Variants in ANKRD28 observed in about 807,000 individuals in gnomAD.
The protein encoded by ANKRD28 is serine/threonine-protein phosphatase 6 regulatory ankyrin repeat subunit A.
Under a neutral mutation model 126.5 loss-of-function variants are expected in ANKRD28, and 44 were observed. That is an observed-to-expected ratio of 0.35 (90% confidence interval 0.27 to 0.45). The LOEUF (loss-of-function observed/expected upper bound fraction) is 0.45. Among genes scored for constraint, ANKRD28 ranks in the 20% least tolerant of loss-of-function variants. The probability of loss-of-function intolerance (pLI) is 1.00; values close to 1 mark genes in which losing one functional copy is unlikely to be tolerated. For synonymous variants in ANKRD28, 442 were observed against 468.5 expected, an observed-to-expected ratio of 0.94 and a Z score of 0.73; for missense variants, 1,110 against 1,316.6, an observed-to-expected ratio of 0.84 and a Z score of 2.43.
In ANKRD28 at chr3:15,713,658, A is replaced by G. The variant is rs775347655; in HGVS notation, c.1076-17T>C. 1.3e-6 allele frequency: 2 copies of G among 1,508,872 alleles called. No individual in the cohort carries two copies. The highest frequency in any genetic ancestry group is 2.4e-5 in the South Asian group (2 of 83,626). 93.5% of individuals were successfully genotyped at this position (1,508,872 alleles called of 1,614,324 possible). Reference sequence around the variant, plus strand: ...TTACAGCTCCTGCAATATAGGACTTACTGTCAGACACTGGACCATATAAAG... The same window carrying G: ...TTACAGCTCCTGCAATATAGGACTTGCTGTCAGACACTGGACCATATAAAG... On this transcript the variant is annotated splice_polypyrimidine_tract_variant and intron_variant, in intron 9 of 27. Coordinates refer to ENST00000683139, the MANE Select transcript of ANKRD28 (RefSeq NM_001349278.2).
intron 3 of ANKRD28, among the ~76,000 whole-genome samples, chr3:15,752,738 G>A (rs1426382939): frequency 1.3e-5 from 2 of 152,098 alleles, no homozygotes; most frequent in African/African-American, 2.4e-5. Context: ...ATAACCTAAC[G>A]TTGGGGTCAA....
chr3:15,674,113 A>T (rs1366159433), intron 27 of ANKRD28, among the ~76,000 whole-genome samples: 1 of 139,740 alleles, frequency 7.2e-6, no homozygotes, highest in Non-Finnish European at 1.5e-5. Context: ...TCAAGGTTAC[A>T]ATCAGCTATG....
chr3:15,836,889 A>G (rs1302601343), intron 1 of ANKRD28, among the ~76,000 whole-genome samples: 1 of 141,580 alleles, frequency 7.1e-6, no homozygotes, highest in African/African-American at 2.5e-5. Context: ...TCACAAGGCC[A>G]GGAGATCGAC....
intron 8 of ANKRD28, among the ~76,000 whole-genome samples, chr3:15,715,536 A>G (rs938520750): frequency 4.6e-5 from 7 of 152,202 alleles, no homozygotes; most frequent in African/African-American, 1.4e-4. Context: ...TTGACAAGTA[A>G]TTTTACAGAA....
chr3:15,699,827 T>C (rs963413992), intron 14 of ANKRD28, among the ~76,000 whole-genome samples: 9 of 152,186 alleles, frequency 5.9e-5, no homozygotes, highest in Admixed American at 2.0e-4. Context: ...GACAGTGTGG[T>C]GATTCCTCAA....
chr3:15,796,039 T>G (rs1312514833), intron 1 of ANKRD28, among the ~76,000 whole-genome samples: 1 of 152,182 alleles, frequency 6.6e-6, no homozygotes, highest in Non-Finnish European at 1.5e-5. Flanking sequence ...CATGCCTTAG[T>G]GTTGCTGGGG....
intron 7 of ANKRD28, among the ~76,000 whole-genome samples, chr3:15,721,744 T>C (rs919838033): frequency 6.6e-6 from 1 of 151,844 alleles, no homozygotes; most frequent in African/African-American, 2.4e-5. Flanking sequence ...TAATTAAGGG[T>C]TTTGCTTTTC....
In ANKRD28 at chr3:15,777,259, G is replaced by A. The variant is rs1403181448; in HGVS notation, c.202-10947C>T. Reference sequence around the variant, plus strand: ...ACTGTACCAGCCTAGGTGACAGAGCGAGACTCCGTCTCAAAAAAAAAAAAA... The same window carrying A: ...ACTGTACCAGCCTAGGTGACAGAGCAAGACTCCGTCTCAAAAAAAAAAAAA... On this transcript the variant is annotated intron_variant, in intron 2 of 27. Coordinates refer to ENST00000683139, the MANE Select transcript of ANKRD28 (RefSeq NM_001349278.2). 3.7e-5 allele frequency among the ~76,000 whole-genome samples: 5 copies of A among 136,238 alleles called. No homozygotes were observed. The South Asian group carries it at 1.0e-3, about 28-fold the overall frequency. The allele number at this position is 136,238 out of a possible 152,430, so 89.4% of individuals were successfully genotyped here.
At chr3:15,834,670 T>C (rs1014987925) in intron 1 of ANKRD28, among the ~76,000 whole-genome samples, 5 of 152,208 alleles carry the variant, frequency 3.3e-5, no homozygotes, top group Admixed American at 1.3e-4. Context: ...CATTTCATAC[T>C]TCTATGAAAA....
chr3:15,714,385 A>T (rs2072722782), intron 9 of ANKRD28, among the ~76,000 whole-genome samples, 193 bp downstream of exon 9: 1 of 152,108 alleles, frequency 6.6e-6, no homozygotes, highest in Admixed American at 6.6e-5. Context: ...CATAAAAAAC[A>T]AAAGTATGAA....
At chr3:15,778,619 C>G (rs533328502) in intron 2 of ANKRD28, among the ~76,000 whole-genome samples, 6 of 152,144 alleles carry the variant, frequency 3.9e-5, no homozygotes, top group East Asian at 1.9e-4. Flanking sequence ...CCCTCTCATA[C>G]GTCTAATCTC....
chr3:15,814,278 G>A lies in ANKRD28; in HGVS notation c.28-18972C>T. The A allele has an allele frequency of 7.9e-7, 1 of 1,270,902 alleles. No individual in the cohort carries two copies. Among genetic ancestry groups the A allele is most frequent in the Non-Finnish European group, 1.0e-6 (1 of 982,332 alleles). The allele number at this position is 1,270,902 out of a possible 1,614,324, so 78.7% of individuals were successfully genotyped here. On this transcript the variant is annotated intron_variant, in intron 1 of 27. Transcript: ENST00000399451. This position sits in a 1 kb window ranked among gnomAD's most constrained non-coding sequence, Gnocchi z 4.7. ...CCCATACTATTTTCCTCTGGTGGAG[G>A]CAGTTGTACTGTTTCAATTCCAATC...
At chr3:15,800,878 T>A (rs1490717944), upstream of ANKRD28, among the ~76,000 whole-genome samples, 1 of 152,106 alleles carries the variant, frequency 6.6e-6, no homozygotes, top group African/African-American at 2.4e-5. Context: ...TTATTTAAAT[T>A]AGCAGCACTG....
intron 25 of ANKRD28, 106 bp from the exon 26 acceptor site, chr3:15,677,162 C>A: frequency 2.3e-6 from 2 of 862,456 alleles, no homozygotes; most frequent in Non-Finnish European, 1.8e-6. Context: ...CAACACCATA[C>A]ATATACCATG....
At chr3:15,762,648 G>A (rs1330999367) in intron 3 of ANKRD28, among the ~76,000 whole-genome samples, 1 of 151,896 alleles carries the variant, frequency 6.6e-6, no homozygotes, top group Non-Finnish European at 1.5e-5. Context: ...AAAACTGACA[G>A]CGGAGAATTT....
At position 15,815,165 on chromosome 3, in the gene ANKRD28, T is replaced by C. The variant is rs1214118288; in HGVS notation, c.28-19859A>G. On this transcript the variant is annotated intron_variant, in intron 1 of 27. Coordinates refer to the ANKRD28 transcript ENST00000399451. This position sits in a 1 kb window ranked among gnomAD's most constrained non-coding sequence, Gnocchi z 4.1. The stretch of plus-strand genomic sequence containing the variant: ...GATAAAAAATAAAATTCCCACAAGT[T>C]AATTTTAGTGAAATGGCTTGTCTTC... Among the ~76,000 whole-genome samples the C allele has an allele frequency of 6.6e-6, 1 of 152,090 alleles. No homozygotes were observed. The highest frequency in any genetic ancestry group is 1.5e-5 in the Non-Finnish European group (1 of 68,018).
At chr3:15,746,939 T>A (rs1376492829) in intron 4 of ANKRD28, among the ~76,000 whole-genome samples, 1 of 152,208 alleles carries the variant, frequency 6.6e-6, no homozygotes. Flanking sequence ...GTTGGATATT[T>A]CCAGGAGTTT....
intron 2 of ANKRD28, among the ~76,000 whole-genome samples, chr3:15,789,243 A>G (rs1246954548): frequency 1.3e-5 from 2 of 152,080 alleles, no homozygotes; most frequent in Non-Finnish European, 2.9e-5. Context: ...GAATATGGCA[A>G]TATATTCAAT....
At chr3:15,701,286 T>C (rs1377103661) in intron 14 of ANKRD28, among the ~76,000 whole-genome samples, 1 of 152,190 alleles carries the variant, frequency 6.6e-6, no homozygotes, top group Non-Finnish European at 1.5e-5. Flanking sequence ...CAAATATTCA[T>C]CCATTTAAGT....
Sources: gnomAD v4.1 joint callset for allele counts (sites outside exome capture counted in the v4.1 genomes callset) on GRCh38, gnomAD v4.1.1 for gene constraint, Gnocchi (gnomAD v3.1) non-coding constraint, MANE v1.5 for transcripts, NCBI Gene and HGNC (gene_info 2026-07-23, HGNC 2026-07-21) for gene names.